The following MYO16 variants were observed in gnomAD, a reference collection of about 807,000 sequenced individuals.
MYO16 encodes the protein myosin XVI, also known as unconventional myosin-XVI.
In MYO16, 94 loss-of-function variants were observed where a neutral mutation model predicts 205.3. The observed-to-expected ratio is 0.46, with a 90% confidence interval of 0.39 to 0.54. MYO16 has a LOEUF of 0.54. Ranked by LOEUF, MYO16 falls within the 20% of genes least tolerant of loss-of-function variation. The pLI, the probability that MYO16 is intolerant of heterozygous loss-of-function variation, is 0.00. For synonymous variants in MYO16, 988 were observed against 954.0 expected (o/e 1.04, Z -0.66); for missense variants, 2,315 against 2,387.5 (o/e 0.97, Z 0.63).
intron 11 of MYO16, among the ~76,000 whole-genome samples, chr13:108,856,911 C>A (rs74119665): frequency 8.7e-4 from 133 of 152,250 alleles, no homozygotes; most frequent in African/African-American, 3.1e-3. Flanking sequence ...AATCTCAAAA[C>A]TCCCAGTCTT....
chr13:108,740,932 C>G (rs1261725049), intron 4 of MYO16, among the ~76,000 whole-genome samples: 1 of 152,160 alleles, frequency 6.6e-6, no homozygotes, highest in Non-Finnish European at 1.5e-5. Flanking sequence ...ACCCTCTGAG[C>G]CATGTTGGGG....
chr13:108,988,435 T>C (rs1884712363), intron 20 of MYO16, among the ~76,000 whole-genome samples: 1 of 151,362 alleles, frequency 6.6e-6, no homozygotes, highest in African/African-American at 2.4e-5. Context: ...GACAATGGAA[T>C]TTTCTTTTTT....
At chr13:109,153,363 A>T (rs1877786759) in intron 32 of MYO16, among the ~76,000 whole-genome samples, 1 of 151,324 alleles carries the variant, frequency 6.6e-6, no homozygotes, top group South Asian at 2.1e-4. Flanking sequence ...TGATCAAATT[A>T]TGTTTTGGAG....
chr13:108,832,174 G>T (rs945907643), intron 9 of MYO16, among the ~76,000 whole-genome samples: 2 of 132,098 alleles, frequency 1.5e-5, no homozygotes, highest in African/African-American at 2.8e-5. Flanking sequence ...ACAGAGTCTC[G>T]CTCTATCGCC....
intron 3 of MYO16, among the ~76,000 whole-genome samples, chr13:108,718,883 T>C (rs757285053): frequency 3.3e-5 from 5 of 152,112 alleles, no homozygotes; most frequent in Admixed American, 1.3e-4. Flanking sequence ...CCTGCGGATG[T>C]ATTTTTATCA....
chr13:108,664,727 A>G (rs751221151), intron 1 of MYO16, among the ~76,000 whole-genome samples: 5 of 152,294 alleles, frequency 3.3e-5, no homozygotes, highest in Admixed American at 1.3e-4. Flanking sequence ...CAGCTTCTAG[A>G]ATTTTTAATG....
chr13:108,898,613 A>G (rs1423991484), intron 15 of MYO16, among the ~76,000 whole-genome samples: 1 of 152,140 alleles, frequency 6.6e-6, no homozygotes, highest in Non-Finnish European at 1.5e-5. Context: ...ATTTCTTCAC[A>G]TAATACACAT....
chr13:108,743,192 A>G (rs1414082348), intron 4 of MYO16, among the ~76,000 whole-genome samples: 1 of 152,210 alleles, frequency 6.6e-6, no homozygotes, highest in Non-Finnish European at 1.5e-5. Context: ...TGATGCTTGT[A>G]TTTAGGAAAA....
intron 31 of MYO16, among the ~76,000 whole-genome samples, chr13:109,128,192 T>C (rs1225494806): frequency 6.6e-6 from 1 of 152,220 alleles, no homozygotes; most frequent in Non-Finnish European, 1.5e-5. Context: ...TTTAACAGAT[T>C]CTATTGATCA....
intron 34 of MYO16, among the ~76,000 whole-genome samples, chr13:109,192,514 C>A (rs1473256183): frequency 2.6e-5 from 4 of 152,144 alleles, no homozygotes; most frequent in Non-Finnish European, 5.9e-5. Context: ...CTGCCAAATT[C>A]ATGCCTTCTT....
intron 32 of MYO16, among the ~76,000 whole-genome samples, chr13:109,157,703 C>T (rs149196103): frequency 6.6e-6 from 1 of 152,082 alleles, no homozygotes. Context: ...TAGAATGCAC[C>T]CTGGATGTCC....
chr13:108,497,009 G>A, the MYO16 span, among the ~76,000 whole-genome samples: 1 of 152,210 alleles, frequency 6.6e-6, no homozygotes, highest in African/African-American at 2.4e-5. Flanking sequence ...TTGGGATGAA[G>A]GTTAAAGCAT....
intron 34 of MYO16, among the ~76,000 whole-genome samples, chr13:109,185,644 A>G (rs1879655221): frequency 6.6e-6 from 1 of 152,216 alleles, no homozygotes; most frequent in South Asian, 2.1e-4. Flanking sequence ...GTGATTAATG[A>G]AACATCACCT....
In MYO16 at chr13:109,055,419, T is replaced by TC. The variant is rs1338885161; in HGVS notation, c.3160dup (p.Gln1054ProfsTer15). On this transcript the variant is annotated frameshift_variant, in exon 27 of 35. Coordinates refer to ENST00000457511, the MANE Select transcript of MYO16 (RefSeq NM_001198950.3). LOFTEE classifies it high-confidence loss of function. The surrounding 1 kb of genome is among the most constrained non-coding windows in gnomAD (Gnocchi z 5.0). Reference sequence around the variant, plus strand: ...CACTAATGGATATTATTGGAAAACTTCAGAAGTGCACTCCACACTTCATTC... The same window carrying TC: ...CACTAATGGATATTATTGGAAAACTTCCAGAAGTGCACTCCACACTTCATTC... 1 of 1,612,642 alleles carries TC rather than the reference T, an allele frequency of 6.2e-7. No individual in the cohort carries two copies. Among genetic ancestry groups the TC allele is most frequent in the Non-Finnish European group, 8.5e-7 (1 of 1,179,204 alleles).
Position 108,674,353 on chromosome 13 carries a change from A to G in MYO16, c.292+8204A>G, listed in dbSNP as rs898529102. ...GTTATCAAGTAAGCTTATTTAAAAA[A>G]AAATTATCTCCTAGTATCTAGGGTA... On this transcript the variant is annotated intron_variant, in intron 2 of 34. Coordinates refer to ENST00000457511, the MANE Select transcript of MYO16 (RefSeq NM_001198950.3). 5.3e-5 allele frequency among the ~76,000 whole-genome samples: 8 copies of G among 152,352 alleles called. 1 individual carries two copies. The South Asian group carries it at 8.3e-4, about 16-fold the overall frequency.
intron 22 of MYO16, among the ~76,000 whole-genome samples, chr13:109,010,549 T>C (rs1885557806): frequency 6.6e-6 from 1 of 152,194 alleles, no homozygotes; most frequent in Non-Finnish European, 1.5e-5. Flanking sequence ...TGGGGCCCTG[T>C]CTTTGAGTTA....
chr13:108,583,631 G>A, the MYO16 span, among the ~76,000 whole-genome samples: 1 of 152,078 alleles, frequency 6.6e-6, no homozygotes, highest in Non-Finnish European at 1.5e-5. Context: ...ATTCTGGAAG[G>A]GGATTTCAAT....
At chr13:108,903,423 A>G (rs1409042240) in intron 15 of MYO16, among the ~76,000 whole-genome samples, 1 of 152,162 alleles carries the variant, frequency 6.6e-6, no homozygotes, top group Non-Finnish European at 1.5e-5. Context: ...GAATGTATCC[A>G]CTGAAGGTAA....
intron 27 of MYO16, among the ~76,000 whole-genome samples, chr13:109,068,748 T>C (rs1887834864): frequency 6.6e-6 from 1 of 152,134 alleles, no homozygotes; most frequent in African/African-American, 2.4e-5. Flanking sequence ...TGTGCCACCA[T>C]GCTCAGCTAA....
Sources: gnomAD v4.1 joint callset for allele counts (sites outside exome capture counted in the v4.1 genomes callset) on GRCh38, gnomAD v4.1.1 for gene constraint, Gnocchi (gnomAD v3.1) non-coding constraint, MANE v1.5 for transcripts, NCBI Gene and HGNC (gene_info 2026-07-23, HGNC 2026-07-21) for gene names.